The following KANSL1 variants were observed in gnomAD, a reference collection of about 807,000 sequenced individuals.
The protein encoded by KANSL1 is KAT8 regulatory NSL complex subunit 1.
Under a neutral mutation model 103.6 loss-of-function variants are expected in KANSL1, and 22 were observed. That is an observed-to-expected ratio of 0.21 (90% CI 0.15 to 0.30). KANSL1 has a LOEUF of 0.30. Ranked by LOEUF, KANSL1 falls within the 10% of genes least tolerant of loss-of-function variation. The pLI, the probability that KANSL1 is intolerant of heterozygous loss-of-function variation, is 1.00. For synonymous variants in KANSL1, 600 were observed against 527.6 expected (o/e 1.14, Z -1.88); for missense variants, 1,337 against 1,399.8 (o/e 0.96, Z 0.72).
In KANSL1 at chr17:46,204,474, AAC is replaced by A. The variant is rs201455483; in HGVS notation, c.-90+19195_-90+19196del. 6.7e-3 allele frequency among the ~76,000 whole-genome samples: 1,024 copies of A among 152,336 alleles called. 8 individuals are homozygous for A. Among genetic ancestry groups the A allele is most frequent in the African/African-American group, 0.023 (974 of 41,576 alleles). On this transcript the variant is annotated intron_variant, in intron 1 of 14. Transcript: ENST00000572904. ...AGCAAGACTCTATCTCAAAAAAACA[AAC>A]AGTTATATCTTTAATTATTATCTTC...
At chr17:46,113,193 A>G (rs2042897793) in intron 2 of KANSL1, among the ~76,000 whole-genome samples, 1 of 152,248 alleles carries the variant, frequency 6.6e-6, no homozygotes, top group South Asian at 2.1e-4. Context: ...AGTTTCCTAC[A>G]AGAAAATGTC....
intron 1 of KANSL1, among the ~76,000 whole-genome samples, chr17:46,177,131 A>G (rs1481002102): frequency 6.6e-6 from 1 of 152,244 alleles, no homozygotes; most frequent in East Asian, 1.9e-4. Context: ...AGGTTACTTA[A>G]CTATTCTGTT....
chr17:46,125,420 C>T (rs1490806313), intron 2 of KANSL1, among the ~76,000 whole-genome samples: 1 of 152,146 alleles, frequency 6.6e-6, no homozygotes. Context: ...GTGATATTCA[C>T]TTTATTGCAG....
chr17:46,138,912 G>T (rs1304472586), intron 2 of KANSL1, among the ~76,000 whole-genome samples: 1 of 152,172 alleles, frequency 6.6e-6, no homozygotes, highest in African/African-American at 2.4e-5. Flanking sequence ...CTCTAACCAG[G>T]AATCCTGTGA....
chr17:46,097,308 T>C (rs1289648181), intron 2 of KANSL1, among the ~76,000 whole-genome samples: 3 of 152,216 alleles, frequency 2.0e-5, no homozygotes, highest in Admixed American at 6.5e-5. Flanking sequence ...GTGAAGGAAT[T>C]TGATGAAATA....
At chr17:46,062,229 T>A (rs1311431435) in intron 6 of KANSL1, among the ~76,000 whole-genome samples, 2 of 151,958 alleles carry the variant, frequency 1.3e-5, no homozygotes, top group East Asian at 3.8e-4. Flanking sequence ...ATCATCAGTT[T>A]GGGCATTCAA....
At chr17:46,031,845 T>G in intron 14 of KANSL1, 142 bp from the exon 15 acceptor site, 1 of 1,027,442 alleles carries the variant, frequency 9.7e-7, no homozygotes, top group South Asian at 1.6e-5. Context: ...ACACCCCTCC[T>G]AGGGTATACC....
intron 2 of KANSL1, among the ~76,000 whole-genome samples, chr17:46,155,246 C>T (rs930225976): frequency 7.9e-5 from 12 of 150,972 alleles, no homozygotes; most frequent in African/African-American, 2.9e-4. Flanking sequence ...CAACCTCCAC[C>T]TCCCGGGTTC....
In KANSL1 at chr17:46,151,401, CTCAT is replaced by C. The variant is rs528233997; in HGVS notation, c.1289+19450_1289+19453del. Among the ~76,000 whole-genome samples the C allele has an allele frequency of 3.0e-4, 45 of 152,360 alleles. 1 individual carries two copies. The South Asian group carries it at 8.5e-3, about 29-fold the overall frequency. The stretch of plus-strand genomic sequence containing the variant: ...TCTTGCTCACACACTTCATACAGAT[CTCAT>C]TCAAACTGTCACCTCCTCAGAGAGG... On this transcript the variant is annotated intron_variant, in intron 2 of 14. Coordinates refer to ENST00000432791, the MANE Select transcript of KANSL1 (RefSeq NM_015443.4).
At chr17:46,096,792 T>C (rs1440459202) in intron 2 of KANSL1, among the ~76,000 whole-genome samples, 2 of 152,040 alleles carry the variant, frequency 1.3e-5, no homozygotes, top group Non-Finnish European at 2.9e-5. Flanking sequence ...CTAATTTTTG[T>C]ATTTTTAGTA....
chr17:46,070,154 A>C (rs1568413688), intron 4 of KANSL1, among the ~76,000 whole-genome samples: 1 of 152,210 alleles, frequency 6.6e-6, no homozygotes, highest in Non-Finnish European at 1.5e-5. Flanking sequence ...AGCCCCAAAA[A>C]TCTTATTCAC....
chr17:46,191,226 T>C (rs2047304898), intron 1 of KANSL1, among the ~76,000 whole-genome samples: 1 of 152,092 alleles, frequency 6.6e-6, no homozygotes, highest in Non-Finnish European at 1.5e-5. Context: ...AAAGTAAAAA[T>C]TTTCTAGATC....
At chr17:46,053,840 A>G (rs2077816731) in intron 6 of KANSL1, among the ~76,000 whole-genome samples, 1 of 152,248 alleles carries the variant, frequency 6.6e-6, no homozygotes. Flanking sequence ...TCTATCCTGC[A>G]GACAAACTTA....
chr17:46,062,121 A>ACAAAC (rs573699659), intron 6 of KANSL1, among the ~76,000 whole-genome samples: 85 of 90,628 alleles, frequency 9.4e-4, no homozygotes, highest in African/African-American at 2.6e-3. Context: ...AAACAAACAA[A>ACAAAC]AAAAAAAAAA....
chr17:46,198,422 T>TAAA (rs58312564), upstream of KANSL1, among the ~76,000 whole-genome samples: 65 of 96,104 alleles, frequency 6.8e-4, 2 homozygotes, highest in African/African-American at 2.0e-3. Flanking sequence ...CTACTTTAAT[T>TAAA]AAAAAAAAAA....
At chr17:46,140,757 A>T (rs926530359) in intron 2 of KANSL1, among the ~76,000 whole-genome samples, 9 of 152,230 alleles carry the variant, frequency 5.9e-5, no homozygotes, top group Admixed American at 5.9e-4. Flanking sequence ...CAAATGACCA[A>T]TTAAGCACCT....
chr17:46,175,073 A>T (rs968352429), intron 1 of KANSL1, among the ~76,000 whole-genome samples: 1 of 152,218 alleles, frequency 6.6e-6, no homozygotes, highest in African/African-American at 2.4e-5. Flanking sequence ...AATGCTTGTG[A>T]AATCACTGGA....
At chr17:46,132,596 T>C (rs1421126150) in intron 2 of KANSL1, among the ~76,000 whole-genome samples, 5 of 152,200 alleles carry the variant, frequency 3.3e-5, no homozygotes, top group African/African-American at 1.2e-4. Context: ...CAGGTAATTG[T>C]GATGACCATT....
chr17:46,043,404 C>T (rs1223644985), intron 7 of KANSL1: 7 of 151,984 alleles, frequency 4.6e-5, no homozygotes, highest in African/African-American at 1.7e-4. Flanking sequence ...GGTTCTATCT[C>T]GAGTAGAAGG....
Sources: allele counts gnomAD v4.1 joint callset (sites outside exome capture counted in the v4.1 genomes callset), GRCh38; gene constraint gnomAD v4.1.1; transcripts MANE v1.5; gene names NCBI Gene and HGNC (gene_info 2026-07-23, HGNC 2026-07-21).